Variants in UBA2 observed in about 807,000 individuals in gnomAD.
UBA2 encodes the protein ubiquitin like modifier activating enzyme 2.
In UBA2, 11 loss-of-function variants were observed where a neutral mutation model predicts 77.2. The ratio of observed to expected loss-of-function variants is 0.14; its 90% CI spans 0.09 to 0.24. The LOEUF (loss-of-function observed/expected upper bound fraction) is 0.24. Ranked by LOEUF, UBA2 falls within the 10% of genes least tolerant of loss-of-function variation. The pLI, the probability that UBA2 is intolerant of heterozygous loss-of-function variation, is 1.00. For missense variants in UBA2, 487 were observed against 781.7 expected, an observed-to-expected ratio of 0.62 and a Z score of 4.50; for synonymous variants, 278 against 276.7, an observed-to-expected ratio of 1.00 and a Z score of -0.05.
chr19:34,447,273 A>T (rs1022399876), intron 8 of UBA2, among the ~76,000 whole-genome samples: 8 of 152,142 alleles, frequency 5.3e-5, no homozygotes, highest in Admixed American at 5.2e-4. Flanking sequence ...GTGCCCACCC[A>T]GATTAAGAGA....
At position 34,433,420 on chromosome 19, in the gene UBA2, T is replaced by G; in HGVS notation, c.358+8T>G. ...ATGCTTTAGATAACAGAGGTGAGGT[T>G]ATTTTAATACTTTTAATTTCTCAGT... is the stretch of plus-strand genomic sequence containing the variant. On this transcript the variant is annotated splice_region_variant and intron_variant, in intron 4 of 16. Coordinates refer to ENST00000246548, the MANE Select transcript of UBA2 (RefSeq NM_005499.3). The G allele has an allele frequency of 1.3e-6, 2 of 1,563,240 alleles. No homozygotes were observed. Among genetic ancestry groups the G allele is most frequent in the South Asian group, 1.1e-5 (1 of 87,948 alleles).
intron 2 of UBA2, among the ~76,000 whole-genome samples, chr19:34,431,656 G>A (rs1030868562): frequency 6.6e-6 from 1 of 152,052 alleles, no homozygotes; most frequent in South Asian, 2.1e-4. Flanking sequence ...GTCAGGGGGG[G>A]CTCTCCGGTT....
intron 6 of UBA2, among the ~76,000 whole-genome samples, chr19:34,443,456 T>TTA (rs2075391973): frequency 6.6e-6 from 1 of 151,550 alleles, no homozygotes; most frequent in Non-Finnish European, 1.5e-5. Flanking sequence ...TTTTTTTTTT[T>TTA]TTTGAGACGG....
At chr19:34,465,600 C>T (rs2075678989) in intron 15 of UBA2, among the ~76,000 whole-genome samples, 1 of 146,526 alleles carries the variant, frequency 6.8e-6, no homozygotes, top group East Asian at 2.0e-4. Flanking sequence ...TGCGCCATTG[C>T]ACTCCAGCCT....
chr19:34,465,732 C>T (rs1426783562), intron 15 of UBA2, among the ~76,000 whole-genome samples: 1 of 151,596 alleles, frequency 6.6e-6, no homozygotes, highest in African/African-American at 2.4e-5. Flanking sequence ...GGTCCTGCTT[C>T]AGTTGGACAC....
intron 12 of UBA2, among the ~76,000 whole-genome samples, chr19:34,456,194 A>G (rs1437016975): frequency 1.5e-5 from 2 of 137,184 alleles, no homozygotes; most frequent in African/African-American, 2.8e-5. Context: ...GGCTCACTGC[A>G]ACCTCCACCT....
At chr19:34,450,184 A>G (rs941091988) in intron 8 of UBA2, 81 bp from the exon 9 acceptor site, 12 of 931,726 alleles carry the variant, frequency 1.3e-5, no homozygotes, top group Non-Finnish European at 2.0e-5. Flanking sequence ...TCATAGTGTA[A>G]TATAGATCAG....
intron 9 of UBA2, among the ~76,000 whole-genome samples, chr19:34,451,540 T>G (rs1274139958): frequency 8.5e-6 from 1 of 117,012 alleles, no homozygotes; most frequent in Non-Finnish European, 1.8e-5. Flanking sequence ...TTAACAGTTT[T>G]TTTTTTTTTT....
intron 7 of UBA2, 133 bp downstream of exon 7, chr19:34,444,044 G>GTTT (rs35028159): frequency 1.2e-3 from 217 of 175,572 alleles, no homozygotes; most frequent in Non-Finnish European, 1.6e-3. Context: ...TTTTTTTTTT[G>GTTT]TTTTTTTTTT....
chr19:34,428,877 A>G, intron 1 of UBA2: 1 of 1,051,546 alleles, frequency 9.5e-7, no homozygotes, highest in Non-Finnish European at 1.1e-6. Context: ...CCTCCCTTCA[A>G]AACAAATTCC....
Position 34,428,423 on chromosome 19 carries a change from T to A in UBA2, c.-10T>A. 1.6e-6 allele frequency: 2 copies of A among 1,256,358 alleles called. No homozygotes were observed. The highest frequency in any genetic ancestry group is 2.0e-6 in the Non-Finnish European group (2 of 999,288). 77.8% of individuals were successfully genotyped at this position (1,256,358 alleles called of 1,614,324 possible). A position where few individuals can be genotyped will look rare whatever the true frequency, so the allele number is the denominator to read the frequency against. On this transcript the variant is annotated 5_prime_UTR_variant, in exon 1 of 17. In the 5' UTR this introduces an upstream ATG that the reference lacks. Coordinates refer to ENST00000246548, the MANE Select transcript of UBA2 (RefSeq NM_005499.3). ...CCTCCGCCTCCGCCGCGGCTCGTGG[T>A]TGTCCCGCCATGGCACTGTCGCGGG... is the stretch of plus-strand genomic sequence containing the variant.
intron 7 of UBA2, among the ~76,000 whole-genome samples, chr19:34,444,535 G>A (rs2075407575): frequency 6.6e-6 from 1 of 152,204 alleles, no homozygotes. Context: ...GGCCAGGCAA[G>A]GTGGCTCACG....
At chr19:34,438,903 G>A in intron 6 of UBA2, 137 bp downstream of exon 6, 1 of 1,220,380 alleles carries the variant, frequency 8.2e-7, no homozygotes, top group Non-Finnish European at 1.1e-6. Flanking sequence ...CTTTCTTGCA[G>A]TATTTCTTAG....
intron 5 of UBA2, 70 bp downstream of exon 5, chr19:34,435,038 C>A: frequency 9.1e-7 from 1 of 1,097,060 alleles, no homozygotes; most frequent in Non-Finnish European, 1.3e-6. Flanking sequence ...AGGAAATAAA[C>A]TTTGTATTTA....
At chr19:34,454,791 C>T (rs1295877296) in intron 12 of UBA2, among the ~76,000 whole-genome samples, 7 of 152,134 alleles carry the variant, frequency 4.6e-5, no homozygotes, top group South Asian at 4.1e-4. Context: ...CTGAATTCTT[C>T]GAAGAATTCA....
At chr19:34,463,972 C>G in intron 14 of UBA2, 54 bp from the exon 15 acceptor site, 2 of 1,297,410 alleles carry the variant, frequency 1.5e-6, no homozygotes, top group Non-Finnish European at 2.2e-6. Flanking sequence ...AAAAATCAAC[C>G]TGACTGCTCT....
At chr19:34,428,629 G>T (rs1007974252) in intron 1 of UBA2, 59 bp downstream of exon 1, 2 of 1,275,434 alleles carry the variant, frequency 1.6e-6, no homozygotes, top group Non-Finnish European at 1.0e-6. Flanking sequence ...TGGGATTCGG[G>T]GGTTCCGGGG....
intron 8 of UBA2, among the ~76,000 whole-genome samples, chr19:34,449,811 T>C (rs2075473013): frequency 1.3e-5 from 2 of 152,210 alleles, no homozygotes; most frequent in Admixed American, 1.3e-4. Flanking sequence ...CACTTTAGTT[T>C]AAAAATCTGT....
intron 8 of UBA2, among the ~76,000 whole-genome samples, chr19:34,446,989 G>C (rs894228076): frequency 4.6e-5 from 7 of 152,130 alleles, no homozygotes; most frequent in Non-Finnish European, 1.0e-4. Flanking sequence ...GGGTTCTCTA[G>C]AGGGACAGAG....
Sources: allele counts gnomAD v4.1 joint callset (sites outside exome capture counted in the v4.1 genomes callset), GRCh38; gene constraint gnomAD v4.1.1; transcripts MANE v1.5; gene names NCBI Gene and HGNC (gene_info 2026-07-23, HGNC 2026-07-21).